Variants in NXN observed in about 807,000 individuals in gnomAD.
NXN encodes nucleoredoxin 1.
In NXN, 16 loss-of-function variants were observed where a neutral mutation model predicts 48.6. That is an observed-to-expected ratio of 0.33 (90% confidence interval 0.22 to 0.50). NXN has a LOEUF of 0.50. Among genes scored for constraint, NXN ranks in the 20% least tolerant of loss-of-function variants. NXN has a pLI of 0.98. For missense variants in NXN, 492 were observed against 605.5 expected (o/e 0.81, Z 1.97); for synonymous variants, 281 against 269.6 (o/e 1.04, Z -0.41).
At chr17:808,174 C>T (rs769411648) in intron 5 of NXN, among the ~76,000 whole-genome samples, 2 of 152,200 alleles carry the variant, frequency 1.3e-5, no homozygotes, top group African/African-American at 2.4e-5. Flanking sequence ...CCTGTACCTG[C>T]AGCTTTCTGC....
At chr17:815,068 T>C (rs971712168) in intron 5 of NXN, among the ~76,000 whole-genome samples, 3 of 152,212 alleles carry the variant, frequency 2.0e-5, no homozygotes, top group Non-Finnish European at 4.4e-5. Context: ...GCCTAGGCAG[T>C]AGTTACAAAT....
At chr17:979,279 T>TGGGGGGCGGGCAGGGGTAACGGGCGG (rs2069506509) in intron 1 of NXN, 40 bp downstream of exon 1, 4 of 713,980 alleles carry the variant, frequency 5.6e-6, no homozygotes, top group Non-Finnish European at 5.0e-6. Context: ...GTAACGGGCG[T>TGGGGGGCGGGCAGGGGTAACGGGCGG]GGGGGGCGGG....
At chr17:831,478 T>TTTATTAA (rs1555611697) in intron 1 of NXN, among the ~76,000 whole-genome samples, 10 of 100,652 alleles carry the variant, frequency 9.9e-5, no homozygotes, top group East Asian at 5.8e-4. Flanking sequence ...TATTTATTTA[T>TTTATTAA]TTATTATTTT....
At position 812,517 on chromosome 17, in the gene NXN, G is replaced by A. The variant is rs187377433; in HGVS notation, c.820+6922C>T. Among the ~76,000 whole-genome samples, 316 of 152,330 alleles carry A rather than the reference G, an allele frequency of 2.1e-3. 1 individual carries two copies. Among genetic ancestry groups the A allele is most frequent in the South Asian group, 2.5e-3 (12 of 4,832 alleles). ...TCCCCAGAGAAGCCCCACAGGATGT[G>A]CAGACCAGACACTCCAACAGCCAGG... On this transcript the variant is annotated intron_variant, in intron 5 of 7. Transcript: ENST00000336868.
intron 1 of NXN, among the ~76,000 whole-genome samples, chr17:925,449 C>T (rs2068789390): frequency 6.6e-6 from 1 of 152,180 alleles, no homozygotes; most frequent in South Asian, 2.1e-4. Context: ...AATGCAATGG[C>T]GCGATCTCAG....
chr17:875,761 T>TAAA (rs35059194), intron 1 of NXN, among the ~76,000 whole-genome samples: 58 of 143,430 alleles, frequency 4.0e-4, no homozygotes, highest in Middle Eastern at 3.5e-3. Context: ...CCTGGTAAAT[T>TAAA]AAAAAAAAAA....
At chr17:947,883 C>CAAAAAAAAAAAAA in intron 1 of NXN, among the ~76,000 whole-genome samples, 1 of 119,256 alleles carries the variant, frequency 8.4e-6, no homozygotes, top group Non-Finnish European at 1.7e-5. Context: ...TACTGAAATA[C>CAAAAAAAAAAAAA]AAAAAAAAAA....
chr17:851,359 C>T (rs1255372184), intron 1 of NXN, among the ~76,000 whole-genome samples: 3 of 152,200 alleles, frequency 2.0e-5, no homozygotes, highest in African/African-American at 4.8e-5. Flanking sequence ...GGGCTGCAGA[C>T]GGGAGAGAAG....
intron 1 of NXN, among the ~76,000 whole-genome samples, chr17:965,515 T>A (rs551876112): frequency 1.2e-4 from 19 of 152,256 alleles, no homozygotes; most frequent in Middle Eastern, 3.4e-3. Context: ...ACAATAAACA[T>A]GCTGATCACA....
intron 1 of NXN, among the ~76,000 whole-genome samples, chr17:886,794 T>A (rs1342876099): frequency 3.5e-5 from 5 of 142,918 alleles, no homozygotes; most frequent in Non-Finnish European, 4.6e-5. Flanking sequence ...AAAAAAAAAA[T>A]AGAAATAATA....
intron 1 of NXN, among the ~76,000 whole-genome samples, chr17:903,892 G>A (rs1255565263): frequency 2.6e-5 from 4 of 152,040 alleles, no homozygotes; most frequent in Non-Finnish European, 5.9e-5. Context: ...GGCCCCCTCC[G>A]AAGCCAACCT....
At chr17:903,660 G>T (rs552170518) in intron 1 of NXN, among the ~76,000 whole-genome samples, 10 of 152,336 alleles carry the variant, frequency 6.6e-5, no homozygotes, top group Admixed American at 1.3e-4. Context: ...TGGGATTCCA[G>T]GCGTGAGCCA....
chr17:943,139 G>A (rs116749620), intron 1 of NXN, among the ~76,000 whole-genome samples: 2,226 of 152,306 alleles, frequency 0.015, 68 homozygotes, highest in African/African-American at 0.05. Flanking sequence ...TAAAATAACC[G>A]TCGGTTTCTT....
intron 1 of NXN, among the ~76,000 whole-genome samples, chr17:885,670 C>T (rs1410824557): frequency 3.6e-5 from 3 of 84,288 alleles, no homozygotes; most frequent in Non-Finnish European, 4.7e-5. Context: ...CTGCGGTACT[C>T]GCTTTTTTTT....
At position 800,910 on chromosome 17, in the gene NXN, G is replaced by A. The variant is rs765926651; in HGVS notation, c.*39C>T. On this transcript the variant is annotated 3_prime_UTR_variant, in exon 8 of 8. Coordinates refer to ENST00000336868, the MANE Select transcript of NXN (RefSeq NM_022463.5). ...AAGGAAGGAGGGGGAGGAGGAGAAG[G>A]CTGAGTTTTAAATAACGTCTCAGGA... 1.5e-6 allele frequency: 2 copies of A among 1,350,672 alleles called. No homozygotes were observed. The highest frequency in any genetic ancestry group is 5.6e-5 in the East Asian group (2 of 35,984). 83.7% of individuals were successfully genotyped at this position (1,350,672 alleles called of 1,614,324 possible). A position where few individuals can be genotyped will look rare whatever the true frequency, so the allele number is the denominator to read the frequency against.
chr17:951,421 T>C (rs1338610180), intron 1 of NXN, among the ~76,000 whole-genome samples: 1 of 151,992 alleles, frequency 6.6e-6, no homozygotes, highest in Non-Finnish European at 1.5e-5. Context: ...AGGCCAGTGT[T>C]GCAACGATCG....
intron 1 of NXN, among the ~76,000 whole-genome samples, chr17:850,491 G>A (rs376148155): frequency 2.6e-4 from 39 of 152,212 alleles, no homozygotes; most frequent in African/African-American, 8.0e-4. Flanking sequence ...GAAGGTGGCC[G>A]TGAGCAAACT....
At chr17:944,536 G>A (rs1228895088) in intron 1 of NXN, among the ~76,000 whole-genome samples, 1 of 152,204 alleles carries the variant, frequency 6.6e-6, no homozygotes, top group Non-Finnish European at 1.5e-5. Flanking sequence ...GCAAATGTAA[G>A]GTAGATTCTG....
At chr17:964,883 G>A (rs759884985) in intron 1 of NXN, among the ~76,000 whole-genome samples, 10 of 152,168 alleles carry the variant, frequency 6.6e-5, no homozygotes, top group Admixed American at 2.0e-4. Context: ...ATTAGCCAGC[G>A]GGCTTCGCAT....
Sources: gnomAD v4.1 joint callset for allele counts (sites outside exome capture counted in the v4.1 genomes callset) on GRCh38, gnomAD v4.1.1 for gene constraint, MANE v1.5 for transcripts, NCBI Gene and HGNC (gene_info 2026-07-23, HGNC 2026-07-21) for gene names.